ZNF543: variants seen among roughly 807,000 people sequenced by gnomAD.
The protein encoded by ZNF543 is zinc finger protein 543.
In ZNF543, 10 loss-of-function variants were observed where a neutral mutation model predicts 13.4. The observed-to-expected ratio is 0.75, with a 90% CI of 0.46 to 1.26. The LOEUF (loss-of-function observed/expected upper bound fraction) is 1.26, where lower values mean the gene tolerates loss of function less well. ZNF543 is among the 50% of genes most tolerant of loss of function. The pLI is 0.00. For synonymous variants in ZNF543, 272 were observed against 264.7 expected, an observed-to-expected ratio of 1.03 and a Z score of -0.27; for missense variants, 768 against 741.2, an observed-to-expected ratio of 1.04 and a Z score of -0.42.
Position 57,320,790 on chromosome 19 carries a change from G to A in ZNF543, c.-64G>A, listed in dbSNP as rs2088085149. On this transcript the variant is annotated 5_prime_UTR_variant, in exon 1 of 4. Transcript: ENST00000321545. ...CCGAGGTCGCCCCGCCCAGGACAGA[G>A]AAGGGCTGGGGGTCGGCTGAGCCGC... The A allele has an allele frequency of 6.2e-7, 1 of 1,608,442 alleles. No individual in the cohort carries two copies. Among genetic ancestry groups the A allele is most frequent in the East Asian group, 2.2e-5 (1 of 44,732 alleles).
At chr19:57,327,323 G>A (rs114599104) in intron 3 of ZNF543, among the ~76,000 whole-genome samples, 156 of 150,116 alleles carry the variant, frequency 1.0e-3, no homozygotes, top group African/African-American at 3.8e-3. Flanking sequence ...AGTCTTACAA[G>A]GCAGACTCTA....
Position 57,326,631 on chromosome 19 carries a change from AG to A in ZNF543, c.146del. On this transcript the variant is annotated splice_acceptor_variant, in intron 2 of 3. Transcript: ENST00000321545. LOFTEE classifies it high-confidence loss of function. ...GTGTCCTCTTTTGTTCTCCATGCACAGGCTGTCCTTTGTTCAAACCAGAGCT... is the reference window on the plus strand; with the variant it reads ...GTGTCCTCTTTTGTTCTCCATGCACAGCTGTCCTTTGTTCAAACCAGAGCT... The A allele has an allele frequency of 6.2e-7, 1 of 1,613,090 alleles. No individual in the cohort carries two copies. The highest frequency in any genetic ancestry group is 8.5e-7 in the Non-Finnish European group (1 of 1,179,166).
chr19:57,329,063 C>G lies in ZNF543; in HGVS notation c.1601C>G (p.Pro534Arg). 1 of 1,614,126 alleles carries G rather than the reference C, an allele frequency of 6.2e-7. No individual in the cohort carries two copies. The highest frequency in any genetic ancestry group is 8.5e-7 in the Non-Finnish European group (1 of 1,180,028). ...TCCATCATTCACACTGGAGAGAAGC[C>G]GTATGAATGCAGTGAGTGTGGAAAG... is the stretch of plus-strand genomic sequence containing the variant. ...RHSIIHTGEKPYECSECGKAF... is the reference protein window; with the variant it reads ...RHSIIHTGEKRYECSECGKAF... Residue 534 changes from proline to arginine, a missense_variant, in exon 4 of 4, where the codon CCG (proline) becomes CGG (arginine). Transcript: ENST00000321545.
chr19:57,328,628 A>G lies in ZNF543; in HGVS notation c.1166A>G (p.His389Arg), dbSNP rs772875113. ...GACCTCATTCAACACTACATTATCC[A>G]CACTGGGGAGAAGCCCTATAAGTGC... ...SADLIQHYII[H>R]TGEKPYKCME... The change falls in exon 4 of 4, where the codon CAC becomes CGC. Residue 389 changes from histidine (H) to arginine (R), a missense_variant. Physicochemically the swap from His to Arg is conservative, Grantham distance 29. Coordinates refer to ENST00000321545, the MANE Select transcript of ZNF543 (RefSeq NM_213598.4). 6.2e-7 allele frequency: 1 copy of G among 1,613,456 alleles called. No individual in the cohort carries two copies. Among genetic ancestry groups the G allele is most frequent in the South Asian group, 1.1e-5 (1 of 91,048 alleles).
In ZNF543 at chr19:57,329,230, T is replaced by A. The variant is rs938777946; in HGVS notation, c.1768T>A (p.Phe590Ile). Residue 590 changes from phenylalanine to isoleucine, a missense_variant, in exon 4 of 4, where the codon TTT (phenylalanine) becomes ATT (isoleucine). Phe to Ile is a conservative substitution (Grantham distance 21, BLOSUM62 0). Coordinates refer to ENST00000321545, the MANE Select transcript of ZNF543 (RefSeq NM_213598.4). ...NIQELLLGKEFLNITTEENLW is the reference protein window; with the variant it reads ...NIQELLLGKEILNITTEENLW ...CCAGGAACTTTTATTAGGGAAAGAG[T>A]TTTTGAATATCACCACTGAAGAAAA... 29 of 1,610,376 alleles carry A rather than the reference T, an allele frequency of 1.8e-5. No individual in the cohort carries two copies. Among genetic ancestry groups the A allele is most frequent in the Non-Finnish European group, 2.5e-5 (29 of 1,177,824 alleles).
chr19:57,324,487 A>G (rs184388838), intron 2 of ZNF543, among the ~76,000 whole-genome samples: 12 of 152,236 alleles, frequency 7.9e-5, no homozygotes, highest in Non-Finnish European at 1.0e-4. Context: ...TGCTGTCACT[A>G]TTGTCACTGC....
chr19:57,330,724 T>C lies in ZNF543; in HGVS notation c.*1459T>C, dbSNP rs1281793476. 1 of 152,140 alleles carries C rather than the reference T, an allele frequency of 6.6e-6. No homozygotes were observed. Among genetic ancestry groups the C allele is most frequent in the Non-Finnish European group, 1.5e-5 (1 of 68,008 alleles). The allele number at this position is 152,140 out of a possible 1,614,324, so 9.4% of individuals were successfully genotyped here. On this transcript the variant is annotated 3_prime_UTR_variant, in exon 4 of 4. Transcript: ENST00000321545. ...AGCCATGTGATAGTTTTACCTCATA[T>C]TAAATATATTGTACAGAAGTAAAAA...
At position 57,328,326 on chromosome 19, in the gene ZNF543, T is replaced by C; in HGVS notation, c.864T>C (p.Cys288=). ...SGEKPYKCSE[C]GKAFTHRSTF... is the part of the protein sequence containing the mutation. The stretch of plus-strand genomic sequence containing the variant: ...AGAAGCCTTATAAGTGCAGTGAATG[T>C]GGAAAGGCCTTCACCCACCGCTCCA... Residue 288 remains cysteine, a synonymous_variant, in exon 4 of 4, where the codon TGT becomes TGC. Coordinates refer to ENST00000321545, the MANE Select transcript of ZNF543 (RefSeq NM_213598.4). The C allele has an allele frequency of 6.2e-7, 1 of 1,613,854 alleles. No individual in the cohort carries two copies. The highest frequency in any genetic ancestry group is 8.5e-7 in the Non-Finnish European group (1 of 1,179,998).
At chr19:57,327,676 GC>G (rs2088130953) in intron 3 of ZNF543, 27 bp from the exon 4 acceptor site, 1 of 1,568,558 alleles carries the variant, frequency 6.4e-7, no homozygotes, top group Non-Finnish European at 8.6e-7. Context: ...TCTCTAATAA[GC>G]CTTTTTGTGT....
chr19:57,320,792 A>T lies in ZNF543; in HGVS notation c.-62A>T. 1 of 1,608,520 alleles carries T rather than the reference A, an allele frequency of 6.2e-7. No homozygotes were observed. Among genetic ancestry groups the T allele is most frequent in the South Asian group, 1.1e-5 (1 of 90,706 alleles). On this transcript the variant is annotated 5_prime_UTR_variant, in exon 1 of 4. In the 5' UTR this introduces an upstream ATG that the reference lacks. Coordinates refer to ENST00000321545, the MANE Select transcript of ZNF543 (RefSeq NM_213598.4). ...GAGGTCGCCCCGCCCAGGACAGAGA[A>T]GGGCTGGGGGTCGGCTGAGCCGCGG... is the stretch of plus-strand genomic sequence containing the variant.
chr19:57,320,761 T>G lies in ZNF543; in HGVS notation c.-93T>G. On this transcript the variant is annotated 5_prime_UTR_variant, in exon 1 of 4. Transcript: ENST00000321545. ...GAAACTGAGGCTCCGAGTGCGAAAG[T>G]CAGCCGAGGTCGCCCCGCCCAGGAC... 1 of 1,518,386 alleles carries G rather than the reference T, an allele frequency of 6.6e-7. No homozygotes were observed. Among genetic ancestry groups the G allele is most frequent in the Non-Finnish European group, 8.9e-7 (1 of 1,118,768 alleles). The allele number at this position is 1,518,386 out of a possible 1,614,324, so 94.1% of individuals were successfully genotyped here.
chr19:57,328,619 A>C lies in ZNF543; in HGVS notation c.1157A>C (p.Tyr386Ser). The C allele has an allele frequency of 1.2e-6, 2 of 1,611,764 alleles. No individual in the cohort carries two copies. Among genetic ancestry groups the C allele is most frequent in the African/African-American group, 1.3e-5 (1 of 74,230 alleles). Reference sequence around the variant, plus strand: ...GAGAGTGCAGACCTCATTCAACACTACATTATCCACACTGGGGAGAAGCCC... The same window carrying C: ...GAGAGTGCAGACCTCATTCAACACTCCATTATCCACACTGGGGAGAAGCCC... ...FCESADLIQH[Y>S]IIHTGEKPYK... The change falls in exon 4 of 4, where the codon TAC becomes TCC. Residue 386 changes from tyrosine (Y) to serine (S), a missense_variant. Around this residue, in one of 3 missense-constraint regions of ZNF543, gnomAD observed 677 missense variants for 631.4 expected, o/e 1.07. Transcript: ENST00000321545.
chr19:57,323,253 A>G lies in ZNF543; in HGVS notation c.19-429A>G, dbSNP rs538636706. On this transcript the variant is annotated intron_variant, in intron 1 of 3. Transcript: ENST00000321545. Reference sequence around the variant, plus strand: ...GTCACCCAGGCTGGAGTACAGTGGCACGATCTCGGCTCACTGCAAGCTCCG... The same window carrying G: ...GTCACCCAGGCTGGAGTACAGTGGCGCGATCTCGGCTCACTGCAAGCTCCG... Among the ~76,000 whole-genome samples the G allele has an allele frequency of 5.8e-3, 859 of 148,436 alleles. 9 individuals are homozygous for G. The highest frequency in any genetic ancestry group is 0.02 in the African/African-American group (794 of 40,102).
intron 2 of ZNF543, among the ~76,000 whole-genome samples, chr19:57,325,289 A>G (rs1009325013): frequency 6.6e-6 from 1 of 152,240 alleles, no homozygotes; most frequent in African/African-American, 2.4e-5. Flanking sequence ...GCACATAGCA[A>G]AAATGAGTGA....
chr19:57,320,634 C>G lies in ZNF543; in HGVS notation c.-220C>G, dbSNP rs1035879932. ...GCCTGACGCCCCGCTTCTTCCCTAA[C>G]GGGGTGTTCCACCGGCGCCTGCCGA... On this transcript the variant is annotated 5_prime_UTR_variant, in exon 1 of 4. Coordinates refer to ENST00000321545, the MANE Select transcript of ZNF543 (RefSeq NM_213598.4). 5.4e-6 allele frequency: 3 copies of G among 558,412 alleles called. No individual in the cohort carries two copies. In the African/African-American group the frequency reaches 5.8e-5, roughly 11 times the overall value. The allele number at this position is 558,412 out of a possible 1,614,324, so 34.6% of individuals were successfully genotyped here. A position where few individuals can be genotyped will look rare whatever the true frequency, so the allele number is the denominator to read the frequency against.
rs1161833348 is a variant in ZNF543 at position 57,329,011 on chromosome 19, T to C, written c.1549T>C (p.Cys517Arg). 1 of 1,613,790 alleles carries C rather than the reference T, an allele frequency of 6.2e-7. No individual in the cohort carries two copies. Among genetic ancestry groups the C allele is most frequent in the Admixed American group, 1.7e-5 (1 of 59,978 alleles). The stretch of plus-strand genomic sequence containing the variant: ...ATGCATCCAGTGTGGGAAAGCCTTT[T>C]GCCGGAGCGCAAACCTTATTCGACA... ...YECIQCGKAF[C>R]RSANLIRHSI... Residue 517 changes from cysteine to arginine, a missense_variant, in exon 4 of 4, where the codon TGC becomes CGC. Transcript: ENST00000321545.
chr19:57,322,694 C>T (rs1408630050), intron 1 of ZNF543, among the ~76,000 whole-genome samples: 1 of 152,052 alleles, frequency 6.6e-6, no homozygotes, highest in Admixed American at 6.6e-5. Flanking sequence ...GGTCCTGGAC[C>T]TCAAGTCTCT....
In ZNF543 at chr19:57,328,737, C is replaced by T. The variant is rs773821571; in HGVS notation, c.1275C>T (p.Cys425=). ...ACACTGGGGAGAAGCCTTATGAATG[C>T]AGTGAATGTGGAAAGGCCTTCACCC... is the stretch of plus-strand genomic sequence containing the variant. ...RIHTGEKPYE[C]SECGKAFTHC... The change falls in exon 4 of 4, where the codon TGC becomes TGT. Residue 425 remains cysteine, a synonymous_variant. Transcript: ENST00000321545. 25 of 1,613,956 alleles carry T rather than the reference C, an allele frequency of 1.5e-5. No homozygotes were observed. The highest frequency in any genetic ancestry group is 5.1e-6 in the Non-Finnish European group (6 of 1,180,032).
In ZNF543 at chr19:57,328,971, A is replaced by G. The variant is rs955979777; in HGVS notation, c.1509A>G (p.Gly503=). 10 of 1,614,198 alleles carry G rather than the reference A, an allele frequency of 6.2e-6. No individual in the cohort carries two copies. The highest frequency in any genetic ancestry group is 8.5e-6 in the Non-Finnish European group (10 of 1,180,030). ...CGAGGCACCAACAGATTCACACTGG[A>G]GAGAAACCCTATGAATGCATCCAGT... ...HLTRHQQIHT[G]EKPYECIQCG... is the part of the protein sequence containing the mutation. Residue 503 remains glycine (G), a synonymous_variant, in exon 4 of 4, where the codon GGA becomes GGG. Coordinates refer to ENST00000321545, the MANE Select transcript of ZNF543 (RefSeq NM_213598.4).
Sources: gnomAD v4.1 joint callset for allele counts (sites outside exome capture counted in the v4.1 genomes callset) on GRCh38, gnomAD v4.1.1 for gene constraint, gnomAD v4.1.1 regional missense constraint, MANE v1.5 for transcripts, NCBI Gene and HGNC (gene_info 2026-07-23, HGNC 2026-07-21) for gene names.